NTNG1: variants seen among roughly 807,000 people sequenced by gnomAD.
NTNG1 encodes netrin G1, also known as netrin-G1.
NTNG1 carries 16 observed loss-of-function variants against 54.0 expected under a neutral mutation model. That is an observed-to-expected ratio of 0.30 (90% CI 0.20 to 0.45). The LOEUF (loss-of-function observed/expected upper bound fraction) is 0.45. NTNG1 is among the 20% of genes least tolerant of loss of function. The pLI, the probability that NTNG1 is intolerant of heterozygous loss-of-function variation, is 1.00. For synonymous variants in NTNG1, 255 were observed against 263.1 expected, an observed-to-expected ratio of 0.97 and a Z score of 0.30; for missense variants, 530 against 678.7, an observed-to-expected ratio of 0.78 and a Z score of 2.43.
chr1:107,228,152 G>A (rs1033697267), intron 2 of NTNG1, among the ~76,000 whole-genome samples: 54 of 152,174 alleles, frequency 3.5e-4, no homozygotes, highest in African/African-American at 1.2e-3. Flanking sequence ...TGAATCACAA[G>A]GATTCTTTTC....
intron 3 of NTNG1, among the ~76,000 whole-genome samples, chr1:107,387,660 C>G (rs1672096734): frequency 6.6e-6 from 1 of 152,168 alleles, no homozygotes; most frequent in African/African-American, 2.4e-5. Context: ...GAGTAATGTC[C>G]TAGATCCAGC....
intron 2 of NTNG1, among the ~76,000 whole-genome samples, chr1:107,308,294 T>G (rs908495673): frequency 6.6e-6 from 1 of 152,220 alleles, no homozygotes; most frequent in African/African-American, 2.4e-5. Flanking sequence ...GGTTTTACAT[T>G]TAAGTCTTTA....
intron 2 of NTNG1, among the ~76,000 whole-genome samples, chr1:107,199,725 C>T (rs906521180): frequency 4.0e-5 from 6 of 151,854 alleles, no homozygotes; most frequent in Non-Finnish European, 8.8e-5. Flanking sequence ...GTCCTCCTCT[C>T]GCGTAGATAC....
intron 3 of NTNG1, among the ~76,000 whole-genome samples, chr1:107,359,307 C>G (rs2100938412): frequency 6.6e-6 from 1 of 152,232 alleles, no homozygotes; most frequent in African/African-American, 2.4e-5. Flanking sequence ...TGAAGCAATA[C>G]AGCATGGTCA....
chr1:107,438,382 C>T (rs1675743351), intron 7 of NTNG1, among the ~76,000 whole-genome samples: 1 of 152,162 alleles, frequency 6.6e-6, no homozygotes. Context: ...AAAAGTCTTG[C>T]ATGCTGTTGT....
Position 107,460,221 on chromosome 1 carries a change from G to A in NTNG1, c.1391-20390G>A, listed in dbSNP as rs80056997. Among the ~76,000 whole-genome samples, 1,338 of 152,130 alleles carry A rather than the reference G, an allele frequency of 8.8e-3. 8 individuals are homozygous for A. The highest frequency in any genetic ancestry group is 0.015 in the Non-Finnish European group (1,021 of 67,982). Reference sequence around the variant, plus strand: ...CTTCATGAAACTCAGCTCATGCCCCGGTGCAATGCCATCAAACCATGGCCT... The same window carrying A: ...CTTCATGAAACTCAGCTCATGCCCCAGTGCAATGCCATCAAACCATGGCCT... On this transcript the variant is annotated intron_variant, in intron 7 of 7. Transcript: ENST00000370068.
intron 3 of NTNG1, among the ~76,000 whole-genome samples, chr1:107,383,763 C>T (rs112949945): frequency 0.012 from 1,790 of 152,322 alleles, 47 homozygotes; most frequent in African/African-American, 0.041. Flanking sequence ...CTATGTTACC[C>T]TATTCCTCTT....
intron 2 of NTNG1, among the ~76,000 whole-genome samples, chr1:107,209,897 T>A (rs867550910): frequency 7.0e-4 from 106 of 151,318 alleles, no homozygotes; most frequent in Non-Finnish European, 7.7e-4. Context: ...ACTTCTTTTT[T>A]TTTTTTTTTT....
chr1:107,253,221 G>A (rs1402762397), intron 2 of NTNG1, among the ~76,000 whole-genome samples: 2 of 152,098 alleles, frequency 1.3e-5, no homozygotes, highest in Non-Finnish European at 2.9e-5. Flanking sequence ...GAGGCTTAAT[G>A]CCACTGTACA....
intron 5 of NTNG1, among the ~76,000 whole-genome samples, chr1:107,423,959 A>G (rs1241318051): frequency 6.6e-6 from 1 of 151,952 alleles, no homozygotes; most frequent in Non-Finnish European, 1.5e-5. Flanking sequence ...ATTTGACAAT[A>G]TTTTTTCAGT....
At position 107,481,983 on chromosome 1, in the gene NTNG1, G is replaced by T. The variant is rs890491824; in HGVS notation, c.*1143G>T. On this transcript the variant is annotated 3_prime_UTR_variant, in exon 8 of 8. Transcript: ENST00000370068. ...GACGAATTTAGTTCCCAGGAAGATG[G>T]ATTGATGTTCACTAGCTTGGACAAC... 9 of 143,724 alleles carry T rather than the reference G, an allele frequency of 6.3e-5. No individual in the cohort carries two copies. The highest frequency in any genetic ancestry group is 1.4e-4 in the Non-Finnish European group (9 of 66,522). The allele number at this position is 143,724 out of a possible 1,614,324, so 8.9% of individuals were successfully genotyped here. A position where few individuals can be genotyped will look rare whatever the true frequency, so the allele number is the denominator to read the frequency against.
chr1:107,193,721 C>A (rs1658124033), intron 2 of NTNG1, among the ~76,000 whole-genome samples: 3 of 151,950 alleles, frequency 2.0e-5, no homozygotes. Flanking sequence ...TTCAAACCCT[C>A]ATAATTTCAC....
chr1:107,357,141 A>G (rs373126355), intron 3 of NTNG1, among the ~76,000 whole-genome samples: 1 of 152,204 alleles, frequency 6.6e-6, no homozygotes, highest in Non-Finnish European at 1.5e-5. Flanking sequence ...GCCCCACCCC[A>G]GTCAGAATTG....
chr1:107,161,932 T>C (rs901071738), intron 2 of NTNG1, among the ~76,000 whole-genome samples: 4 of 141,032 alleles, frequency 2.8e-5, no homozygotes, highest in Non-Finnish European at 6.4e-5. Context: ...AATGTTACCA[T>C]CCTGGAGAAA....
In NTNG1 at chr1:107,420,398, A is replaced by G. The variant is rs142152766; in HGVS notation, c.1088-10352A>G. Among the ~76,000 whole-genome samples, 5 of 152,202 alleles carry G rather than the reference A, an allele frequency of 3.3e-5. No individual in the cohort carries two copies. The East Asian group carries it at 7.7e-4, about 24-fold the overall frequency. On this transcript the variant is annotated intron_variant, in intron 5 of 7. Transcript: ENST00000370068. ...TGCAGCCATAATTTATCTTGTCAGCATCTGCAAAGAACATCAGGCTCTGTT... is the reference window on the plus strand; with the variant it reads ...TGCAGCCATAATTTATCTTGTCAGCGTCTGCAAAGAACATCAGGCTCTGTT...
chr1:107,410,331 G>A (rs542586383), intron 5 of NTNG1: 1 of 152,102 alleles, frequency 6.6e-6, no homozygotes, highest in East Asian at 1.9e-4. Flanking sequence ...AAATGCCAAC[G>A]CCTGTATTAA....
chr1:107,213,458 C>T (rs965849524), intron 2 of NTNG1, among the ~76,000 whole-genome samples: 1 of 152,114 alleles, frequency 6.6e-6, no homozygotes, highest in Non-Finnish European at 1.5e-5. Context: ...TGGAAGGCTG[C>T]TCCGCAAGCC....
chr1:107,403,232 A>G (rs529235145), intron 4 of NTNG1, among the ~76,000 whole-genome samples: 3 of 152,158 alleles, frequency 2.0e-5, no homozygotes, highest in Non-Finnish European at 4.4e-5. Flanking sequence ...GGAAGGGCTG[A>G]TTGAGGAAAG....
intron 2 of NTNG1, among the ~76,000 whole-genome samples, chr1:107,264,532 A>C (rs1570533376): frequency 6.6e-6 from 1 of 152,280 alleles, no homozygotes. Flanking sequence ...TTCATTTTTT[A>C]TAAATGCTCC....
Sources: allele counts gnomAD v4.1 joint callset (sites outside exome capture counted in the v4.1 genomes callset), GRCh38; gene constraint gnomAD v4.1.1; transcripts MANE v1.5; gene names NCBI Gene and HGNC (gene_info 2026-07-23, HGNC 2026-07-21).